The following RGS17 variants were observed in gnomAD, a reference collection of about 807,000 sequenced individuals.
RGS17 encodes regulator of G-protein signaling 17.
A neutral mutation model predicts 25.5 loss-of-function variants in RGS17; 12 were observed. That is an observed-to-expected ratio of 0.47 (90% CI 0.30 to 0.76). The LOEUF (loss-of-function observed/expected upper bound fraction) is 0.76. RGS17 is among the 30% of genes least tolerant of loss of function. The probability of loss-of-function intolerance (pLI) is 0.07; values close to 1 mark genes in which losing one functional copy is unlikely to be tolerated. For missense variants in RGS17, 196 were observed against 242.2 expected, an observed-to-expected ratio of 0.81 and a Z score of 1.27; for synonymous variants, 71 against 76.9, an observed-to-expected ratio of 0.92 and a Z score of 0.40.
chr6:153,005,231 G>T lies in RGS17; in HGVS notation c.*6343C>A, dbSNP rs1304282673. 1 of 152,154 alleles carries T rather than the reference G, an allele frequency of 6.6e-6. No homozygotes were observed. The allele number at this position is 152,154 out of a possible 1,614,324, so 9.4% of individuals were successfully genotyped here. On this transcript the variant is annotated 3_prime_UTR_variant, in exon 5 of 5. Transcript: ENST00000206262. ...TCTTTAATATCCAAAGTATGTGGAG[G>T]ATTATTGTAAATTGCGCAGACAGTT...
chr6:153,043,793 A>G (rs1776351710), intron 2 of RGS17, 107 bp downstream of exon 2: 1 of 648,402 alleles, frequency 1.5e-6, no homozygotes, highest in Admixed American at 3.0e-5. Flanking sequence ...AAGAAAGAAC[A>G]AAAAAAGACA....
intron 2 of RGS17, among the ~76,000 whole-genome samples, chr6:153,033,529 G>A (rs1374617720): frequency 1.3e-5 from 2 of 151,972 alleles, no homozygotes; most frequent in African/African-American, 4.8e-5. Context: ...ACCACCCTGG[G>A]TAACATGGTG....
chr6:153,021,622 G>A (rs2129106668), intron 4 of RGS17, among the ~76,000 whole-genome samples: 1 of 152,204 alleles, frequency 6.6e-6, no homozygotes, highest in Middle Eastern at 3.4e-3. Flanking sequence ...AAATCAGCTG[G>A]CTAAACAATG....
At chr6:153,096,506 G>A (rs756037656) in intron 1 of RGS17, among the ~76,000 whole-genome samples, 14 of 152,230 alleles carry the variant, frequency 9.2e-5, no homozygotes, top group Admixed American at 1.3e-4. Context: ...TCTTTATCAC[G>A]TCAAGCTGGC....
intron 1 of RGS17, among the ~76,000 whole-genome samples, chr6:153,082,092 T>C (rs898609758): frequency 2.0e-5 from 3 of 152,330 alleles, no homozygotes; most frequent in Non-Finnish European, 2.9e-5. Flanking sequence ...GGGAGAAGTT[T>C]GTAGTCATAC....
rs763739685 is a variant in RGS17 at position 153,005,191 on chromosome 6, A to G, written c.*6383T>C. On this transcript the variant is annotated 3_prime_UTR_variant, in exon 5 of 5. Coordinates refer to ENST00000206262, the MANE Select transcript of RGS17 (RefSeq NM_012419.5). ...TAAATTTAAATTACCTCTTATGACA[A>G]TTAGTAAGATAAGATCTTTAATATC... The G allele has an allele frequency of 6.6e-6, 1 of 152,234 alleles. No homozygotes were observed. Among genetic ancestry groups the G allele is most frequent in the Non-Finnish European group, 1.5e-5 (1 of 68,034 alleles). The allele number at this position is 152,234 out of a possible 1,614,324, so 9.4% of individuals were successfully genotyped here.
chr6:153,106,309 AC>A (rs1450510329), intron 1 of RGS17, among the ~76,000 whole-genome samples: 1 of 151,892 alleles, frequency 6.6e-6, no homozygotes, highest in African/African-American at 2.4e-5. Context: ...TTTACCTTAG[AC>A]CTTAAAGGAT....
At chr6:153,061,327 ACT>A (rs1429785217) in intron 1 of RGS17, among the ~76,000 whole-genome samples, 1 of 152,088 alleles carries the variant, frequency 6.6e-6, no homozygotes, top group Admixed American at 6.5e-5. Context: ...TAAAATAAAA[ACT>A]CTCTGTTTAA....
chr6:153,110,521 A>T (rs1777453237), intron 1 of RGS17, among the ~76,000 whole-genome samples: 1 of 152,102 alleles, frequency 6.6e-6, no homozygotes, highest in Non-Finnish European at 1.5e-5. Context: ...GCATTGACTA[A>T]TGACTCTTAG....
intron 2 of RGS17, among the ~76,000 whole-genome samples, chr6:153,035,286 T>C (rs1776225076): frequency 6.6e-6 from 1 of 152,110 alleles, no homozygotes; most frequent in Admixed American, 6.5e-5. Flanking sequence ...AACAAAGATA[T>C]GGACTTTATA....
chr6:153,025,657 AAAACATATATATAT>A (rs1266560853), intron 3 of RGS17, among the ~76,000 whole-genome samples: 19 of 140,212 alleles, frequency 1.4e-4, no homozygotes, highest in Admixed American at 4.6e-4. Flanking sequence ...TATATATATA[AAAACATATATATAT>A]AAACATATAT....
At chr6:153,092,213 C>T (rs750851442) in intron 1 of RGS17, among the ~76,000 whole-genome samples, 2 of 152,160 alleles carry the variant, frequency 1.3e-5, no homozygotes, top group East Asian at 1.9e-4. Flanking sequence ...TCAAATTTTA[C>T]GGGGCATAGA....
At chr6:153,063,528 T>C (rs752944851) in intron 1 of RGS17, among the ~76,000 whole-genome samples, 66 of 152,124 alleles carry the variant, frequency 4.3e-4, no homozygotes, top group Middle Eastern at 3.4e-3. Flanking sequence ...TTTGGAAATA[T>C]GCAGTCAGAG....
At chr6:153,086,704 A>G (rs1777058646) in intron 1 of RGS17, among the ~76,000 whole-genome samples, 2 of 152,218 alleles carry the variant, frequency 1.3e-5, no homozygotes, top group African/African-American at 4.8e-5. Flanking sequence ...AGAGGAAGAA[A>G]TTAAGATACA....
intron 4 of RGS17, among the ~76,000 whole-genome samples, chr6:153,019,172 G>A (rs915890680): frequency 3.3e-5 from 5 of 152,222 alleles, no homozygotes; most frequent in African/African-American, 1.2e-4. Flanking sequence ...GGACGTGGAG[G>A]TTCCAGCGCA....
chr6:153,115,850 T>C (rs1260306735), intron 1 of RGS17, among the ~76,000 whole-genome samples: 17 of 152,174 alleles, frequency 1.1e-4, no homozygotes, highest in Admixed American at 1.1e-3. Context: ...TAAATGGTGT[T>C]GGGAAAACTG....
At chr6:153,021,773 G>C (rs984485478) in intron 4 of RGS17, among the ~76,000 whole-genome samples, 4 of 152,108 alleles carry the variant, frequency 2.6e-5, no homozygotes, top group East Asian at 1.9e-4. Context: ...CAAAATATGG[G>C]TATTAGGAAA....
intron 1 of RGS17, among the ~76,000 whole-genome samples, chr6:153,088,813 G>A (rs1338995671): frequency 2.6e-5 from 4 of 152,088 alleles, no homozygotes; most frequent in African/African-American, 9.7e-5. Flanking sequence ...ATCCAAAATA[G>A]TTTATCCATT....
intron 2 of RGS17, among the ~76,000 whole-genome samples, chr6:153,029,293 G>A (rs1188833669): frequency 6.6e-6 from 1 of 152,114 alleles, no homozygotes; most frequent in East Asian, 1.9e-4. Flanking sequence ...TAAAAAATGG[G>A]TTTCAAGGTT....
Sources: gnomAD v4.1 joint callset for allele counts (sites outside exome capture counted in the v4.1 genomes callset) on GRCh38, gnomAD v4.1.1 for gene constraint, MANE v1.5 for transcripts, NCBI Gene and HGNC (gene_info 2026-07-23, HGNC 2026-07-21) for gene names.